Variants in FAM110B observed in about 807,000 individuals in gnomAD.
The protein encoded by FAM110B is family with sequence similarity 110 member B.
Under a neutral mutation model 20.4 loss-of-function variants are expected in FAM110B, and 6 were observed. The ratio of observed to expected loss-of-function variants is 0.29; its 90% CI spans 0.16 to 0.58. The LOEUF (loss-of-function observed/expected upper bound fraction) is 0.58. FAM110B is among the 20% of genes least tolerant of loss of function. The pLI is 0.90. For synonymous variants in FAM110B, 226 were observed against 214.1 expected, an observed-to-expected ratio of 1.06 and a Z score of -0.49; for missense variants, 434 against 498.2, an observed-to-expected ratio of 0.87 and a Z score of 1.23.
intron 2 of FAM110B, among the ~76,000 whole-genome samples, chr8:58,044,817 C>T (rs1805289101): frequency 1.3e-5 from 2 of 152,118 alleles, no homozygotes; most frequent in Non-Finnish European, 2.9e-5. Context: ...TCAGGCAACA[C>T]TTGGAAATTT....
chr8:58,093,694 T>A (rs967777309), intron 3 of FAM110B, among the ~76,000 whole-genome samples: 4 of 152,202 alleles, frequency 2.6e-5, no homozygotes, highest in Admixed American at 2.6e-4. Flanking sequence ...TGCCTCCAGC[T>A]TTGTTCTTTT....
chr8:58,091,810 A>C (rs1457772000), intron 3 of FAM110B, among the ~76,000 whole-genome samples: 1 of 152,176 alleles, frequency 6.6e-6, no homozygotes, highest in Non-Finnish European at 1.5e-5. Flanking sequence ...GAACATGTGA[A>C]ATGATCCCTG....
chr8:58,050,149 T>C (rs189448628), intron 2 of FAM110B, among the ~76,000 whole-genome samples: 11 of 152,286 alleles, frequency 7.2e-5, no homozygotes, highest in African/African-American at 2.4e-4. Flanking sequence ...ATTCTGCTTG[T>C]TCCCAGATGT....
intron 1 of FAM110B, among the ~76,000 whole-genome samples, chr8:58,021,209 C>T (rs1213342084): frequency 6.6e-6 from 1 of 152,192 alleles, no homozygotes; most frequent in African/African-American, 2.4e-5. Context: ...GGATGACCAT[C>T]AGTGCCCAGT....
At chr8:58,006,924 T>TATATATATATATATA (rs6150600) in intron 1 of FAM110B, among the ~76,000 whole-genome samples, 54 of 110,894 alleles carry the variant, frequency 4.9e-4, no homozygotes, top group South Asian at 6.2e-4. Context: ...TATATATATA[T>TATATATATATATATA]TTTTCCAAAA....
At chr8:58,058,760 A>G (rs1223762767) in intron 2 of FAM110B, among the ~76,000 whole-genome samples, 1 of 152,218 alleles carries the variant, frequency 6.6e-6, no homozygotes, top group African/African-American at 2.4e-5. Flanking sequence ...CAAATCAGTA[A>G]TAAAACCTTT....
rs1803897841 is a variant in FAM110B, at chr8:58,147,580, C to T, written c.*237C>T. The T allele has an allele frequency of 1.8e-6, 1 of 542,592 alleles. No individual in the cohort carries two copies. Among genetic ancestry groups the T allele is most frequent in the South Asian group, 2.8e-5 (1 of 36,328 alleles). The allele number at this position is 542,592 out of a possible 1,614,324, so 33.6% of individuals were successfully genotyped here. A position where few individuals can be genotyped will look rare whatever the true frequency, so the allele number is the denominator to read the frequency against. On this transcript the variant is annotated 3_prime_UTR_variant, in exon 4 of 4. Transcript: ENST00000519262. Reference sequence around the variant, plus strand: ...GTTTCAGGCCAGAATCTAATTAGGGCTTTGCTCGTAAGCAAAACTGTTTAC... The same window carrying T: ...GTTTCAGGCCAGAATCTAATTAGGGTTTTGCTCGTAAGCAAAACTGTTTAC...
intron 3 of FAM110B, among the ~76,000 whole-genome samples, chr8:58,076,281 G>A (rs188627173): frequency 1.9e-3 from 287 of 152,258 alleles, no homozygotes; most frequent in African/African-American, 6.4e-3. Context: ...CTCTGTGCTC[G>A]GGGAATGAGA....
At chr8:58,108,213 C>A (rs1301395263) in intron 3 of FAM110B, among the ~76,000 whole-genome samples, 1 of 152,172 alleles carries the variant, frequency 6.6e-6, no homozygotes, top group African/African-American at 2.4e-5. Context: ...AATGATTGAG[C>A]AACAAGATGC....
chr8:58,122,640 G>A (rs987937226), intron 3 of FAM110B, among the ~76,000 whole-genome samples: 4 of 152,050 alleles, frequency 2.6e-5, no homozygotes, highest in African/African-American at 9.7e-5. Flanking sequence ...TTTTTTAAGT[G>A]CGTTTGCTTT....
chr8:58,143,219 A>G (rs1387246157), intron 3 of FAM110B, among the ~76,000 whole-genome samples: 1 of 152,266 alleles, frequency 6.6e-6, no homozygotes, highest in African/African-American at 2.4e-5. Context: ...TAAACCAGGT[A>G]GAAAACTTGG....
At chr8:58,005,288 C>A (rs531858586) in intron 1 of FAM110B, among the ~76,000 whole-genome samples, 2 of 152,148 alleles carry the variant, frequency 1.3e-5, no homozygotes, top group Non-Finnish European at 2.9e-5. Context: ...AGAACACATA[C>A]ATTTATTGGT....
chr8:58,072,752 A>T (rs941848003), intron 2 of FAM110B, among the ~76,000 whole-genome samples: 2 of 152,236 alleles, frequency 1.3e-5, no homozygotes, highest in African/African-American at 4.8e-5. Flanking sequence ...ATTTTCTGTT[A>T]TAAGGGATAC....
intron 3 of FAM110B, among the ~76,000 whole-genome samples, chr8:58,078,547 CTTT>C (rs71555701): frequency 2.6e-5 from 3 of 115,536 alleles, no homozygotes; most frequent in East Asian, 2.4e-4. Context: ...AGATTTTTGC[CTTT>C]TTTTTTTTTT....
At chr8:57,995,139 G>A (rs1804156058) in intron 1 of FAM110B, among the ~76,000 whole-genome samples, 3 of 152,158 alleles carry the variant, frequency 2.0e-5, no homozygotes, top group African/African-American at 4.8e-5. Flanking sequence ...GGCTGGAGCC[G>A]GGGTTGGAGC....
At chr8:58,050,440 A>T (rs1406117444) in intron 2 of FAM110B, among the ~76,000 whole-genome samples, 1 of 152,152 alleles carries the variant, frequency 6.6e-6, no homozygotes, top group Non-Finnish European at 1.5e-5. Context: ...CAGCGCAAGG[A>T]GTTGGCTACA....
chr8:57,999,756 G>A (rs1322942401), intron 1 of FAM110B, among the ~76,000 whole-genome samples: 1 of 152,098 alleles, frequency 6.6e-6, no homozygotes, highest in Admixed American at 6.6e-5. Context: ...ATGAATAAAT[G>A]AAAAGCGAAT....
intron 2 of FAM110B, among the ~76,000 whole-genome samples, chr8:58,066,180 C>G (rs1442710688): frequency 6.6e-6 from 1 of 152,150 alleles, no homozygotes; most frequent in Non-Finnish European, 1.5e-5. Flanking sequence ...TGAGAAGACA[C>G]TCCAAGATGC....
At chr8:58,123,314 G>T (rs552840135) in intron 3 of FAM110B, among the ~76,000 whole-genome samples, 6 of 152,190 alleles carry the variant, frequency 3.9e-5, no homozygotes, top group Admixed American at 6.5e-5. Context: ...CTGCTCTTTG[G>T]GGGGTGGTGC....
Sources: gnomAD v4.1 joint callset for allele counts (sites outside exome capture counted in the v4.1 genomes callset) on GRCh38, gnomAD v4.1.1 for gene constraint, MANE v1.5 for transcripts, NCBI Gene and HGNC (gene_info 2026-07-23, HGNC 2026-07-21) for gene names.